The following PDE7B variants were observed in gnomAD, a reference collection of about 807,000 sequenced individuals.
The protein encoded by PDE7B is 3',5'-cyclic-AMP phosphodiesterase 7B.
A neutral mutation model predicts 56.2 loss-of-function variants in PDE7B; 29 were observed. The observed-to-expected ratio is 0.52, with a 90% CI of 0.38 to 0.70. The LOEUF is 0.70. PDE7B is among the 30% of genes least tolerant of loss of function. The pLI, the probability that PDE7B is intolerant of heterozygous loss-of-function variation, is 0.00. For synonymous variants in PDE7B, 197 were observed against 196.9 expected (o/e 1.00, Z 0.00); for missense variants, 490 against 565.0 (o/e 0.87, Z 1.35).
chr6:135,886,901 T>C (rs1775719175), intron 1 of PDE7B, among the ~76,000 whole-genome samples: 1 of 152,200 alleles, frequency 6.6e-6, no homozygotes, highest in South Asian at 2.1e-4. Context: ...GATCGTTGGA[T>C]TGAATGGTAG....
At chr6:135,967,124 C>T (rs989792969) in intron 2 of PDE7B, among the ~76,000 whole-genome samples, 1 of 152,112 alleles carries the variant, frequency 6.6e-6, no homozygotes, top group African/African-American at 2.4e-5. Flanking sequence ...TTATCCTGGT[C>T]AAAGCATTGA....
Position 136,179,049 on chromosome 6 carries a change from A to C in PDE7B, c.856A>C (p.Arg286=), listed in dbSNP as rs1296660441. 6.2e-7 allele frequency: 1 copy of C among 1,614,104 alleles called. No homozygotes were observed. Among genetic ancestry groups the C allele is most frequent in the Non-Finnish European group, 8.5e-7 (1 of 1,179,912 alleles). The stretch of plus-strand genomic sequence containing the variant: ...CTTGATCTTGGCAACAGACATCAAC[A>C]GGCAGAATGAATTTTTGACCAGATT... ...GSLILATDIN[R]QNEFLTRLKA... The change falls in exon 10 of 13, where the codon AGG becomes CGG. Residue 286 remains arginine (R), a synonymous_variant. Transcript: ENST00000308191.
At chr6:136,057,553 A>G (rs1271054484) in intron 2 of PDE7B, among the ~76,000 whole-genome samples, 4 of 152,232 alleles carry the variant, frequency 2.6e-5, no homozygotes, top group African/African-American at 7.2e-5. Flanking sequence ...TGTACACACA[A>G]TGTTGAATTT....
intron 2 of PDE7B, among the ~76,000 whole-genome samples, chr6:135,957,278 A>G (rs1036471891): frequency 6.6e-6 from 1 of 152,144 alleles, no homozygotes. Context: ...GAACTAGGTT[A>G]ATTCAAAACT....
chr6:135,940,753 A>G (rs1774494507), intron 1 of PDE7B, among the ~76,000 whole-genome samples: 1 of 152,214 alleles, frequency 6.6e-6, no homozygotes, highest in Admixed American at 6.5e-5. Flanking sequence ...GCTGCACATC[A>G]TGCAGCTGCA....
intron 1 of PDE7B, among the ~76,000 whole-genome samples, chr6:135,871,891 A>G (rs1020687443): frequency 6.6e-6 from 1 of 152,222 alleles, no homozygotes; most frequent in East Asian, 1.9e-4. Context: ...GTAGCCTCAT[A>G]TCATCTCTTG....
chr6:135,919,806 A>G (rs989042503), intron 1 of PDE7B, among the ~76,000 whole-genome samples: 3 of 152,198 alleles, frequency 2.0e-5, no homozygotes, highest in Non-Finnish European at 4.4e-5. Flanking sequence ...GAGTTGCGAA[A>G]ATTAAAGGAG....
chr6:136,075,137 G>A (rs140090739), intron 2 of PDE7B, among the ~76,000 whole-genome samples: 15 of 152,252 alleles, frequency 9.9e-5, no homozygotes, highest in African/African-American at 3.6e-4. Flanking sequence ...CTTTCTGGGT[G>A]CTTTACCTAC....
At chr6:135,914,964 G>A (rs1011092115) in intron 1 of PDE7B, among the ~76,000 whole-genome samples, 9 of 151,616 alleles carry the variant, frequency 5.9e-5, no homozygotes, top group African/African-American at 2.2e-4. Context: ...GTGGTGGCAG[G>A]TGCCTTTAAT....
intron 1 of PDE7B, among the ~76,000 whole-genome samples, chr6:135,869,266 A>T (rs2128186272): frequency 6.6e-6 from 1 of 152,288 alleles, no homozygotes; most frequent in African/African-American, 2.4e-5. Flanking sequence ...CCCAAATTTT[A>T]GTATAAATAT....
At position 135,955,859 on chromosome 6, in the gene PDE7B, C is replaced by T. The variant is rs557206443; in HGVS notation, c.82+8335C>T. ...TGTTATTAAACAGATCGAGATACTG[C>T]CCTGTCCCGCAAAGAAGAGTCCAAG... is the stretch of plus-strand genomic sequence containing the variant. On this transcript the variant is annotated intron_variant, in intron 2 of 12. Transcript: ENST00000308191. 2.0e-5 allele frequency among the ~76,000 whole-genome samples: 3 copies of T among 152,250 alleles called. No individual in the cohort carries two copies. In the East Asian group the frequency reaches 5.8e-4, roughly 29 times the overall value.
intron 1 of PDE7B, among the ~76,000 whole-genome samples, chr6:135,896,511 G>T (rs1002652180): frequency 6.6e-6 from 1 of 152,024 alleles, no homozygotes; most frequent in Non-Finnish European, 1.5e-5. Context: ...TCAAAACTTT[G>T]CTACCATTTA....
intron 1 of PDE7B, among the ~76,000 whole-genome samples, chr6:135,887,637 C>T (rs919011111): frequency 1.2e-4 from 18 of 152,002 alleles, no homozygotes; most frequent in African/African-American, 3.6e-4. Context: ...AGTAGTTACC[C>T]AGTATTTACA....
intron 2 of PDE7B, among the ~76,000 whole-genome samples, chr6:136,022,597 G>A (rs1776090375): frequency 6.6e-6 from 1 of 152,170 alleles, no homozygotes; most frequent in Admixed American, 6.5e-5. Flanking sequence ...CATCCTTTGA[G>A]CTCTACCATT....
At chr6:136,144,072 C>T (rs185283103) in intron 3 of PDE7B, among the ~76,000 whole-genome samples, 11 of 152,030 alleles carry the variant, frequency 7.2e-5, no homozygotes, top group Admixed American at 2.0e-4. Context: ...TTTCCTTATA[C>T]GTAACATAGG....
chr6:135,926,740 G>T, intron 1 of PDE7B, among the ~76,000 whole-genome samples: 1 of 152,042 alleles, frequency 6.6e-6, no homozygotes, highest in Non-Finnish European at 1.5e-5. Flanking sequence ...CACATTTTGG[G>T]GTGGCATGTC....
chr6:136,125,848 C>A (rs1778014795), intron 3 of PDE7B, among the ~76,000 whole-genome samples: 1 of 152,172 alleles, frequency 6.6e-6, no homozygotes, highest in Admixed American at 6.5e-5. Flanking sequence ...TTTTACCCAG[C>A]AGAAAGACTT....
intron 2 of PDE7B, among the ~76,000 whole-genome samples, chr6:136,097,066 T>A (rs553484022): frequency 1.5e-4 from 23 of 151,730 alleles, no homozygotes; most frequent in African/African-American, 5.1e-4. Flanking sequence ...CTTTACAGAC[T>A]CCTCCTCCTC....
chr6:135,953,974 C>A (rs957483497), intron 2 of PDE7B, among the ~76,000 whole-genome samples: 1 of 152,112 alleles, frequency 6.6e-6, no homozygotes, highest in Non-Finnish European at 1.5e-5. Context: ...TCTCTATATG[C>A]GTGCTCAGAC....
Sources: gnomAD v4.1 joint callset for allele counts (sites outside exome capture counted in the v4.1 genomes callset) on GRCh38, gnomAD v4.1.1 for gene constraint, MANE v1.5 for transcripts, NCBI Gene and HGNC (gene_info 2026-07-23, HGNC 2026-07-21) for gene names.